F2R: variants seen among roughly 807,000 people sequenced by gnomAD.
The protein encoded by F2R is proteinase-activated receptor 1.
A neutral mutation model predicts 18.3 loss-of-function variants in F2R; 12 were observed. The ratio of observed to expected loss-of-function variants is 0.66; its 90% CI spans 0.42 to 1.06. The LOEUF is 1.06. F2R is among the 50% of genes least tolerant of loss of function. The pLI is 0.00. For missense variants in F2R, 438 were observed against 530.8 expected, an observed-to-expected ratio of 0.83 and a Z score of 1.72; for synonymous variants, 210 against 219.9, an observed-to-expected ratio of 0.95 and a Z score of 0.40.
rs1748757240 is a variant in F2R, at chr5:76,735,113, T to C, written c.*1610T>C. On this transcript the variant is annotated 3_prime_UTR_variant, in exon 2 of 2. Transcript: ENST00000319211. Reference sequence around the variant, plus strand: ...GTAATTTGGAAATTAGGTTGAAACATATCTCTTATCTTACGAAAAAATGGT... The same window carrying C: ...GTAATTTGGAAATTAGGTTGAAACACATCTCTTATCTTACGAAAAAATGGT... 2.0e-5 allele frequency: 3 copies of C among 152,356 alleles called. No individual in the cohort carries two copies. The highest frequency in any genetic ancestry group is 7.2e-5 in the African/African-American group (3 of 41,440). 9.4% of individuals were successfully genotyped at this position (152,356 alleles called of 1,614,324 possible). A position where few individuals can be genotyped will look rare whatever the true frequency, so the allele number is the denominator to read the frequency against.
chr5:76,725,462 C>T (rs1748537185), intron 1 of F2R, among the ~76,000 whole-genome samples: 1 of 151,242 alleles, frequency 6.6e-6, no homozygotes, highest in African/African-American at 2.4e-5. Flanking sequence ...GAGATTTGGG[C>T]ACCTTCACAA....
chr5:76,728,781 C>T (rs890684257), intron 1 of F2R, among the ~76,000 whole-genome samples: 7 of 151,006 alleles, frequency 4.6e-5, no homozygotes, highest in African/African-American at 1.7e-4. Context: ...ACCTCCGCCT[C>T]CTGCGTTCAA....
chr5:76,722,286 A>G (rs1014907121), intron 1 of F2R, among the ~76,000 whole-genome samples: 5 of 152,140 alleles, frequency 3.3e-5, no homozygotes, highest in Non-Finnish European at 5.9e-5. Flanking sequence ...CTTGTTGGAG[A>G]GTAGAGATCA....
Position 76,733,045 on chromosome 5 carries a change from T to G in F2R, c.820T>G (p.Phe274Val), listed in dbSNP as rs1445208351. ...EGYYAYYFSAFSAVFFFVPLI... is the reference protein window; with the variant it reads ...EGYYAYYFSAVSAVFFFVPLI... ...CTACTATGCCTACTACTTCTCAGCC[T>G]TCTCTGCTGTCTTCTTTTTTGTGCC... The change falls in exon 2 of 2, where the codon TTC becomes GTC. Residue 274 changes from phenylalanine (F) to valine (V), a missense_variant. Transcript: ENST00000319211. The G allele has an allele frequency of 6.2e-7, 1 of 1,614,074 alleles. No individual in the cohort carries two copies. The highest frequency in any genetic ancestry group is 1.3e-5 in the African/African-American group (1 of 74,932).
At chr5:76,731,345 G>A (rs1044269368) in intron 1 of F2R, among the ~76,000 whole-genome samples, 68 of 151,982 alleles carry the variant, frequency 4.5e-4, no homozygotes, top group Non-Finnish European at 3.1e-4. Flanking sequence ...CTGGTGGCAC[G>A]TGCCTGTAAT....
chr5:76,728,537 T>A (rs1748612627), intron 1 of F2R, among the ~76,000 whole-genome samples: 1 of 152,170 alleles, frequency 6.6e-6, no homozygotes. Flanking sequence ...CCTTCTTTTT[T>A]AAGGCTGAAT....
chr5:76,724,771 C>A (rs1748527187), intron 1 of F2R, among the ~76,000 whole-genome samples: 1 of 152,178 alleles, frequency 6.6e-6, no homozygotes, highest in South Asian at 2.1e-4. Flanking sequence ...TCTTTTTGAC[C>A]TAACCCTGAT....
Position 76,733,708 on chromosome 5 carries a change from C to A in F2R, c.*205C>A. The A allele has an allele frequency of 1.8e-6, 1 of 566,920 alleles. No homozygotes were observed. The highest frequency in any genetic ancestry group is 3.1e-6 in the Non-Finnish European group (1 of 320,722). 35.1% of individuals were successfully genotyped at this position (566,920 alleles called of 1,614,324 possible). ...ACAGGACGAGATGACGGTGTTATTC[C>A]AAGGGAATATTGCCAATGCTACAGT... On this transcript the variant is annotated 3_prime_UTR_variant, in exon 2 of 2. Transcript: ENST00000319211.
chr5:76,722,919 C>T (rs567700451), intron 1 of F2R, among the ~76,000 whole-genome samples: 11 of 151,170 alleles, frequency 7.3e-5, no homozygotes, highest in Admixed American at 6.6e-4. Flanking sequence ...CCACTGCACT[C>T]CAGCCTGGGA....
At chr5:76,729,876 A>G (rs1004312622) in intron 1 of F2R, among the ~76,000 whole-genome samples, 3 of 152,110 alleles carry the variant, frequency 2.0e-5, no homozygotes, top group Non-Finnish European at 4.4e-5. Context: ...TGTTGTTGTC[A>G]TGATAGTAAA....
At chr5:76,716,465 G>A in intron 1 of F2R, 70 bp downstream of exon 1, 1 of 1,257,724 alleles carries the variant, frequency 8.0e-7, no homozygotes, top group Non-Finnish European at 1.0e-6. Context: ...GGTCACTGTT[G>A]CGCCTTCTCC....
At position 76,722,499 on chromosome 5, in the gene F2R, G is replaced by C. The variant is rs116636176; in HGVS notation, c.88+6104G>C. Among the ~76,000 whole-genome samples the C allele has an allele frequency of 2.4e-3, 368 of 151,816 alleles. 2 individuals are homozygous for C. The highest frequency in any genetic ancestry group is 8.3e-3 in the African/African-American group (345 of 41,538). On this transcript the variant is annotated intron_variant, in intron 1 of 1. Coordinates refer to ENST00000319211, the MANE Select transcript of F2R (RefSeq NM_001992.5). ...TAGTCTTCATGCCTGCTGTGGCGTT[G>C]GGTACACCTGCGTTTACTTTCCTGC...
rs1013183495 is a variant in F2R, at chr5:76,734,689, A to C, written c.*1186A>C. 2 of 152,368 alleles carry C rather than the reference A, an allele frequency of 1.3e-5. No homozygotes were observed. Among genetic ancestry groups the C allele is most frequent in the Admixed American group, 6.5e-5 (1 of 15,286 alleles). The allele number at this position is 152,368 out of a possible 1,614,324, so 9.4% of individuals were successfully genotyped here. The stretch of plus-strand genomic sequence containing the variant: ...GACAGAGACCTGCCCTCAAGAGCAA[A>C]GTAGATCATGCATAGAGTGTGATGT... On this transcript the variant is annotated 3_prime_UTR_variant, in exon 2 of 2. Coordinates refer to ENST00000319211, the MANE Select transcript of F2R (RefSeq NM_001992.5).
chr5:76,731,167 G>A (rs139234190), intron 1 of F2R, among the ~76,000 whole-genome samples: 259 of 152,298 alleles, frequency 1.7e-3, no homozygotes, highest in African/African-American at 5.9e-3. Context: ...ATAACCCCAG[G>A]GATTGTGGTT....
chr5:76,732,286 T>G (rs1268406802), intron 1 of F2R, 28 bp from the exon 2 acceptor site: 1 of 1,532,728 alleles, frequency 6.5e-7, no homozygotes. Context: ...CTTTTTACAT[T>G]TAAAATTTTT....
At chr5:76,728,427 A>G (rs927346081) in intron 1 of F2R, among the ~76,000 whole-genome samples, 1 of 152,138 alleles carries the variant, frequency 6.6e-6, no homozygotes, top group Admixed American at 6.5e-5. Context: ...GATTCCACAT[A>G]TAAGTGAAAT....
rs551633532 is a variant in F2R at position 76,716,136 on chromosome 5, G to A, written c.-172G>A. 1,361 of 455,996 alleles carry A rather than the reference G, an allele frequency of 3.0e-3. 14 individuals carry two copies. Among genetic ancestry groups the A allele is most frequent in the African/African-American group, 0.025 (1,235 of 49,304 alleles). 28.2% of individuals were successfully genotyped at this position (455,996 alleles called of 1,614,324 possible). ...CCGCCCCGCCCCGCTAACCGCCCCA[G>A]ACACAGCGCTCGCCGAGGGTCGCTT... On this transcript the variant is annotated 5_prime_UTR_variant, in exon 1 of 2. Coordinates refer to ENST00000319211, the MANE Select transcript of F2R (RefSeq NM_001992.5).
At chr5:76,730,838 T>G (rs939465819) in intron 1 of F2R, among the ~76,000 whole-genome samples, 1 of 152,198 alleles carries the variant, frequency 6.6e-6, no homozygotes, top group Non-Finnish European at 1.5e-5. Context: ...TTTGCTAGCA[T>G]GATTCACAGA....
At chr5:76,731,235 G>A (rs1748661897) in intron 1 of F2R, among the ~76,000 whole-genome samples, 1 of 152,292 alleles carries the variant, frequency 6.6e-6, no homozygotes, top group South Asian at 2.1e-4. Context: ...ACTAAAGACT[G>A]TAGAGGAAAA....
Sources: allele counts gnomAD v4.1 joint callset (sites outside exome capture counted in the v4.1 genomes callset), GRCh38; gene constraint gnomAD v4.1.1; transcripts MANE v1.5; gene names NCBI Gene and HGNC (gene_info 2026-07-23, HGNC 2026-07-21).